ADGRV1: variants seen among roughly 807,000 people sequenced by gnomAD.
ADGRV1 encodes the protein G-protein coupled receptor 98.
In ADGRV1, 359 loss-of-function variants were observed where a neutral mutation model predicts 596.2. The observed-to-expected ratio is 0.60, with a 90% CI of 0.55 to 0.66. The LOEUF (loss-of-function observed/expected upper bound fraction) is 0.66, where lower values mean the gene tolerates loss of function less well. ADGRV1 is among the 30% of genes least tolerant of loss of function. The probability of loss-of-function intolerance (pLI) is 0.00; values close to 1 mark genes in which losing one functional copy is unlikely to be tolerated. For synonymous variants in ADGRV1, 2,681 were observed against 2,679.2 expected (o/e 1.00, Z -0.02); for missense variants, 7,274 against 7,575.6 (o/e 0.96, Z 1.48).
At chr5:90,737,509 T>C (rs901354666) in intron 50 of ADGRV1, among the ~76,000 whole-genome samples, 2 of 151,972 alleles carry the variant, frequency 1.3e-5, no homozygotes, top group African/African-American at 4.8e-5. Context: ...ATAGTCAGTT[T>C]ATTGTTAAAA....
At chr5:90,803,843 C>G (rs1228678145) in intron 71 of ADGRV1, among the ~76,000 whole-genome samples, 5 of 151,430 alleles carry the variant, frequency 3.3e-5, no homozygotes, top group African/African-American at 1.2e-4. Context: ...AAAAAAGATT[C>G]AGCAAAACCA....
intron 30 of ADGRV1, 73 bp downstream of exon 30, chr5:90,690,149 G>A (rs1746282726): frequency 1.1e-6 from 1 of 880,014 alleles, no homozygotes; most frequent in African/African-American, 1.7e-5. Context: ...CTTTACTTTT[G>A]GAGACTCAGA....
intron 50 of ADGRV1, among the ~76,000 whole-genome samples, chr5:90,730,102 G>T (rs1439341524): frequency 6.6e-6 from 1 of 152,104 alleles, no homozygotes; most frequent in Non-Finnish European, 1.5e-5. Flanking sequence ...TCCTGACCTT[G>T]TGATCCGCCC....
In ADGRV1 at chr5:90,827,536, T is replaced by C. The variant is rs143720603; in HGVS notation, c.16369-1408T>C. ...GGAATATTTTTCTAGAAAATAAAAG[T>C]CTGTTGGAATGTAATATACCGAAAT... On this transcript the variant is annotated intron_variant, in intron 76 of 89. Coordinates refer to ENST00000405460, the MANE Select transcript of ADGRV1 (RefSeq NM_032119.4). Among the ~76,000 whole-genome samples the C allele has an allele frequency of 2.0e-5, 3 of 152,242 alleles. No homozygotes were observed. In the East Asian group the frequency reaches 5.8e-4, roughly 29 times the overall value.
At chr5:90,774,742 G>A (rs1758045131) in intron 60 of ADGRV1, among the ~76,000 whole-genome samples, 1 of 152,062 alleles carries the variant, frequency 6.6e-6, no homozygotes, top group African/African-American at 2.4e-5. Context: ...TAAGAAAACA[G>A]GTTTTGCAAC....
At chr5:90,567,479 ATC>A (rs1239480054) in intron 1 of ADGRV1, among the ~76,000 whole-genome samples, 2 of 152,058 alleles carry the variant, frequency 1.3e-5, no homozygotes, top group African/African-American at 4.8e-5. Flanking sequence ...TACTAATTCA[ATC>A]TATTTAATTG....
In ADGRV1 at chr5:90,565,403, A is replaced by C. The variant is rs981433392; in HGVS notation, c.22+6486A>C. 2.0e-5 allele frequency among the ~76,000 whole-genome samples: 3 copies of C among 152,154 alleles called. No homozygotes were observed. The East Asian group carries it at 5.8e-4, about 29-fold the overall frequency. On this transcript the variant is annotated intron_variant, in intron 1 of 89. Coordinates refer to ENST00000405460, the MANE Select transcript of ADGRV1 (RefSeq NM_032119.4). ...ATTTTCTATCTCTATAGATGTGCCTATTCTGGGCATTTTGTATAAATGGAA... is the reference window on the plus strand; with the variant it reads ...ATTTTCTATCTCTATAGATGTGCCTCTTCTGGGCATTTTGTATAAATGGAA...
chr5:91,090,502 G>T (rs575620708), intron 86 of ADGRV1, among the ~76,000 whole-genome samples: 1 of 152,042 alleles, frequency 6.6e-6, no homozygotes, highest in East Asian at 1.9e-4. Flanking sequence ...GTCAGCTCTT[G>T]ACAAAGTACT....
intron 9 of ADGRV1, among the ~76,000 whole-genome samples, chr5:90,633,812 A>G (rs1388523066): frequency 6.6e-6 from 1 of 152,110 alleles, no homozygotes; most frequent in Non-Finnish European, 1.5e-5. Context: ...CTTTTTTCAA[A>G]TGAATATTTA....
At chr5:90,846,399 A>G (rs1313130698) in intron 78 of ADGRV1, 1 of 153,602 alleles carries the variant, frequency 6.5e-6, no homozygotes, top group African/African-American at 2.4e-5. Flanking sequence ...ACTTATCAGA[A>G]GGTAATGGAG....
chr5:90,906,365 T>G (rs533887066), intron 83 of ADGRV1, among the ~76,000 whole-genome samples: 1 of 152,280 alleles, frequency 6.6e-6, no homozygotes, highest in Non-Finnish European at 1.5e-5. Flanking sequence ...TGGGCTGTTT[T>G]TTACTGGGAG....
intron 83 of ADGRV1, among the ~76,000 whole-genome samples, chr5:90,960,981 T>C (rs1331501456): frequency 6.6e-6 from 1 of 152,192 alleles, no homozygotes; most frequent in Non-Finnish European, 1.5e-5. Context: ...CTCCTAATAC[T>C]CTGCATTCTC....
intron 83 of ADGRV1, among the ~76,000 whole-genome samples, chr5:90,898,491 TAGTC>T (rs775938972): frequency 4.6e-5 from 7 of 152,198 alleles, no homozygotes; most frequent in African/African-American, 1.4e-4. Flanking sequence ...TTAATTCACT[TAGTC>T]AGTCTTGAGT....
At chr5:90,721,508 A>ATTAAATTAAATTAAATTAAAT (rs1561594536) in intron 45 of ADGRV1, among the ~76,000 whole-genome samples, 74 of 49,568 alleles carry the variant, frequency 1.5e-3, no homozygotes, top group Admixed American at 6.2e-3. Context: ...GGTCTAAAAA[A>ATTAAATTAAATTAAATTAAAT]TAAAATAAAA....
intron 75 of ADGRV1, among the ~76,000 whole-genome samples, chr5:90,821,289 G>T (rs1009022710): frequency 1.3e-5 from 2 of 151,066 alleles, no homozygotes; most frequent in African/African-American, 4.9e-5. Flanking sequence ...GCACTTCTCT[G>T]TATTGGTTAT....
In ADGRV1 at chr5:90,976,235, C is replaced by T. The variant is rs867309526; in HGVS notation, c.17974-9109C>T. Among the ~76,000 whole-genome samples the T allele has an allele frequency of 9.3e-3, 1,185 of 127,082 alleles. 12 individuals carry two copies. The highest frequency in any genetic ancestry group is 0.036 in the African/African-American group (1,140 of 31,366). 83.4% of individuals were successfully genotyped at this position (127,082 alleles called of 152,430 possible). A position where few individuals can be genotyped will look rare whatever the true frequency, so the allele number is the denominator to read the frequency against. On this transcript the variant is annotated intron_variant, in intron 84 of 89. Transcript: ENST00000405460. ...GAGTGTGTATATATATATATATATA[C>T]ACAATGTACATATATTTATATATAG...
At chr5:91,070,058 G>T (rs1788247111) in intron 85 of ADGRV1, among the ~76,000 whole-genome samples, 1 of 152,106 alleles carries the variant, frequency 6.6e-6, no homozygotes, top group Non-Finnish European at 1.5e-5. Flanking sequence ...GCTAAGCATT[G>T]GGTACTCTTG....
At chr5:91,035,845 T>TGTATATATATATA (rs1562121481) in intron 85 of ADGRV1, among the ~76,000 whole-genome samples, 1 of 32,482 alleles carries the variant, frequency 3.1e-5, no homozygotes, top group Middle Eastern at 0.014. Flanking sequence ...AATGAGTGTG[T>TGTATATATATATA]ATATATATAT....
At chr5:90,778,747 A>C in intron 63 of ADGRV1, 118 bp from the exon 64 acceptor site, 1 of 1,061,996 alleles carries the variant, frequency 9.4e-7, no homozygotes, top group Non-Finnish European at 1.3e-6. Context: ...AATCTATATA[A>C]TTTTATAACC....
Sources: gnomAD v4.1 joint callset for allele counts (sites outside exome capture counted in the v4.1 genomes callset) on GRCh38, gnomAD v4.1.1 for gene constraint, MANE v1.5 for transcripts, NCBI Gene and HGNC (gene_info 2026-07-23, HGNC 2026-07-21) for gene names.